Variants in AUTS2 observed in about 807,000 individuals in gnomAD.
The protein encoded by AUTS2 is autism susceptibility gene 2 protein.
Under a neutral mutation model 112.4 loss-of-function variants are expected in AUTS2, and 17 were observed. That is an observed-to-expected ratio of 0.15 (90% CI 0.10 to 0.23). AUTS2 has a LOEUF of 0.23. Among genes scored for constraint, AUTS2 ranks in the 10% least tolerant of loss-of-function variants. AUTS2 has a pLI of 1.00. For synonymous variants in AUTS2, 751 were observed against 702.7 expected (o/e 1.07, Z -1.09); for missense variants, 1,510 against 1,701.6 (o/e 0.89, Z 1.98).
chr7:69,741,850 T>C (rs1418422451), intron 1 of AUTS2, among the ~76,000 whole-genome samples: 1 of 151,888 alleles, frequency 6.6e-6, no homozygotes, highest in African/African-American at 2.4e-5. Context: ...GTCACTCAGG[T>C]TGAAGTTCAG....
intron 5 of AUTS2, among the ~76,000 whole-genome samples, chr7:70,491,848 C>T (rs1202111789): frequency 6.6e-6 from 1 of 152,226 alleles, no homozygotes; most frequent in East Asian, 1.9e-4. Context: ...GTCCTGACCT[C>T]AGGTAATCCG....
At chr7:70,657,791 A>G (rs909510046) in intron 5 of AUTS2, among the ~76,000 whole-genome samples, 4 of 152,140 alleles carry the variant, frequency 2.6e-5, no homozygotes, top group African/African-American at 4.8e-5. Context: ...AGTCATCCGC[A>G]TCGTACTTGA....
At chr7:70,266,429 A>G (rs1787428268) in intron 4 of AUTS2, among the ~76,000 whole-genome samples, 1 of 152,168 alleles carries the variant, frequency 6.6e-6, no homozygotes, top group South Asian at 2.1e-4. Context: ...AATGTTCTGG[A>G]ATCAGACAGT....
intron 6 of AUTS2, among the ~76,000 whole-genome samples, chr7:70,716,698 T>C (rs1810394144): frequency 1.4e-5 from 2 of 141,696 alleles, no homozygotes; most frequent in African/African-American, 5.2e-5. Flanking sequence ...CAGCTTCTCA[T>C]CCAGCCTGAC....
rs763330046 is a variant in AUTS2 at position 70,523,186 on chromosome 7, C to T, written c.690+87405C>T. ...AGCAGCATGGCATTAAAATACAATC[C>T]GGTGACAGCAGTTCTGTGTGGGGCT... On this transcript the variant is annotated intron_variant, in intron 5 of 18. Coordinates refer to ENST00000342771, the MANE Select transcript of AUTS2 (RefSeq NM_015570.4). 2.0e-5 allele frequency among the ~76,000 whole-genome samples: 3 copies of T among 152,166 alleles called. No homozygotes were observed. In the South Asian group the frequency reaches 6.2e-4, roughly 32 times the overall value.
chr7:69,657,546 C>G (rs1037919267), intron 1 of AUTS2, among the ~76,000 whole-genome samples: 1 of 152,098 alleles, frequency 6.6e-6, no homozygotes, highest in Non-Finnish European at 1.5e-5. Flanking sequence ...TGGATTTTGC[C>G]GGAGGTCCTG....
At chr7:69,624,308 T>G (rs1311205851) in intron 1 of AUTS2, among the ~76,000 whole-genome samples, 4 of 152,230 alleles carry the variant, frequency 2.6e-5, no homozygotes, top group Non-Finnish European at 5.9e-5. Flanking sequence ...CAGGTATCTT[T>G]ATCTGGTACA....
intron 5 of AUTS2, among the ~76,000 whole-genome samples, chr7:70,689,755 G>A (rs559353968): frequency 6.3e-4 from 82 of 131,098 alleles, no homozygotes; most frequent in African/African-American, 2.1e-3. Flanking sequence ...CAGCCTAGGC[G>A]ACAGAGCAAG....
chr7:69,649,117 G>A (rs1795173068), intron 1 of AUTS2, among the ~76,000 whole-genome samples: 1 of 152,150 alleles, frequency 6.6e-6, no homozygotes, highest in South Asian at 2.1e-4. Flanking sequence ...GTCTCTTCTT[G>A]TACGTGTGTA....
At chr7:70,431,136 C>T (rs73175930) in intron 4 of AUTS2, among the ~76,000 whole-genome samples, 9,632 of 151,930 alleles carry the variant, frequency 0.063, 350 homozygotes, top group African/African-American at 0.1. Context: ...CGCGCCCGGC[C>T]GTGTCGCCAT....
chr7:70,779,758 G>A (rs901712970), intron 14 of AUTS2, among the ~76,000 whole-genome samples: 4 of 152,138 alleles, frequency 2.6e-5, no homozygotes, highest in Admixed American at 6.5e-5. Context: ...AGCCAGGCAC[G>A]ATGGCTCACT....
chr7:69,889,825 C>G (rs528719352), intron 1 of AUTS2, among the ~76,000 whole-genome samples: 1 of 152,170 alleles, frequency 6.6e-6, no homozygotes, highest in African/African-American at 2.4e-5. Context: ...AGGCTTCTGC[C>G]CTTGGAGAGG....
intron 6 of AUTS2, 162 bp downstream of exon 6, chr7:70,698,782 G>A (rs953609495): frequency 2.6e-5 from 14 of 536,374 alleles, no homozygotes; most frequent in Non-Finnish European, 4.2e-5. Flanking sequence ...CATACTTTGT[G>A]ATGCATTAAC....
chr7:69,705,758 C>T (rs1798040162), intron 1 of AUTS2, among the ~76,000 whole-genome samples: 1 of 152,164 alleles, frequency 6.6e-6, no homozygotes, highest in Non-Finnish European at 1.5e-5. Context: ...TGTATTTTCT[C>T]TCAGCTCTGG....
At chr7:69,792,153 A>G (rs1298301707) in intron 1 of AUTS2, among the ~76,000 whole-genome samples, 1 of 152,150 alleles carries the variant, frequency 6.6e-6, no homozygotes, top group East Asian at 1.9e-4. Flanking sequence ...AAATGAACAT[A>G]GAAGGAAGTT....
chr7:69,780,309 G>C (rs1316694086), intron 1 of AUTS2, among the ~76,000 whole-genome samples: 23 of 152,162 alleles, frequency 1.5e-4, no homozygotes, highest in Non-Finnish European at 1.5e-5. Context: ...GGAACTACTA[G>C]AGCCTTCGTT....
intron 2 of AUTS2, among the ~76,000 whole-genome samples, chr7:70,015,047 T>C (rs972218717): frequency 7.2e-5 from 11 of 152,338 alleles, no homozygotes; most frequent in African/African-American, 2.4e-4. Context: ...GCTGTTGTGG[T>C]GGTTGCAGTT....
intron 4 of AUTS2, chr7:70,293,369 T>C (rs1239259615): frequency 6.6e-6 from 1 of 152,206 alleles, no homozygotes; most frequent in Non-Finnish European, 1.5e-5. Flanking sequence ...TTTATCGGTT[T>C]TTCTGGTTTA....
At chr7:70,420,501 T>C (rs778573267) in intron 4 of AUTS2, among the ~76,000 whole-genome samples, 3 of 152,214 alleles carry the variant, frequency 2.0e-5, no homozygotes, top group Admixed American at 6.5e-5. Context: ...GAAGTGCTTA[T>C]TGATTACTGA....
Sources: allele counts gnomAD v4.1 joint callset (sites outside exome capture counted in the v4.1 genomes callset), GRCh38; gene constraint gnomAD v4.1.1; transcripts MANE v1.5; gene names NCBI Gene and HGNC (gene_info 2026-07-23, HGNC 2026-07-21).